The following GLI3 variants were observed in gnomAD, a reference collection of about 807,000 sequenced individuals.
GLI3 encodes GLI family zinc finger 3.
In GLI3, 20 loss-of-function variants were observed where a neutral mutation model predicts 100.8. The observed-to-expected ratio is 0.20, with a 90% CI of 0.14 to 0.29. The LOEUF is 0.29. GLI3 is among the 10% of genes least tolerant of loss of function. GLI3 has a pLI of 1.00. For missense variants in GLI3, 2,040 were observed against 2,128.5 expected, an observed-to-expected ratio of 0.96 and a Z score of 0.82; for synonymous variants, 938 against 860.5, an observed-to-expected ratio of 1.09 and a Z score of -1.58.
chr7:42,236,804 G>A (rs1321252119), intron 1 of GLI3, among the ~76,000 whole-genome samples, 167 bp downstream of exon 1: 1 of 152,204 alleles, frequency 6.6e-6, no homozygotes, highest in Non-Finnish European at 1.5e-5. Context: ...TGCAAGCCTT[G>A]CTCGGACGCC....
intron 2 of GLI3, among the ~76,000 whole-genome samples, chr7:42,180,033 C>T (rs1377999442): frequency 1.3e-5 from 2 of 152,150 alleles, no homozygotes; most frequent in African/African-American, 4.8e-5. Context: ...ATAAAACTGG[C>T]TGCGAGCTCC....
chr7:41,963,937 ACTCCT>A lies in GLI3; in HGVS notation c.*388_*392del. 4.9e-5 allele frequency: 9 copies of A among 183,554 alleles called. No homozygotes were observed. Among genetic ancestry groups the A allele is most frequent in the East Asian group, 1.5e-4 (1 of 6,650 alleles). 11.4% of individuals were successfully genotyped at this position (183,554 alleles called of 1,614,324 possible). ...TAACCCCTTGGTCACAAGCACACCA[ACTCCT>A]ATTTCCTTTGAGCAACAGCAAAACA... On this transcript the variant is annotated 3_prime_UTR_variant, in exon 15 of 15. Transcript: ENST00000395925.
At chr7:42,117,423 A>G (rs1250445146) in intron 3 of GLI3, among the ~76,000 whole-genome samples, 1 of 152,202 alleles carries the variant, frequency 6.6e-6, no homozygotes, top group Non-Finnish European at 1.5e-5. Flanking sequence ...CAAGGACCAG[A>G]CGCCTTTTAG....
intron 7 of GLI3, among the ~76,000 whole-genome samples, chr7:42,034,103 G>A (rs1421991665): frequency 6.6e-6 from 1 of 152,148 alleles, no homozygotes; most frequent in Non-Finnish European, 1.5e-5. Flanking sequence ...ATGAGATCTG[G>A]CTCATCAGGT....
intron 12 of GLI3, among the ~76,000 whole-genome samples, chr7:41,975,233 G>A (rs1449642656): frequency 1.3e-5 from 2 of 152,206 alleles, no homozygotes; most frequent in Non-Finnish European, 2.9e-5. Flanking sequence ...TCCCATTACA[G>A]TCCATTATTT....
chr7:42,143,391 C>G (rs893326620), intron 3 of GLI3, among the ~76,000 whole-genome samples: 2 of 152,216 alleles, frequency 1.3e-5, no homozygotes, highest in Admixed American at 6.5e-5. Flanking sequence ...TCATTTATGC[C>G]TCTTAGGCAT....
chr7:42,175,783 G>GT (rs1787468788), intron 2 of GLI3, among the ~76,000 whole-genome samples: 1 of 152,124 alleles, frequency 6.6e-6, no homozygotes, highest in African/African-American at 2.4e-5. Context: ...AACACTAACA[G>GT]TAACAACTAC....
intron 2 of GLI3, among the ~76,000 whole-genome samples, chr7:42,188,980 A>G (rs1303385336): frequency 6.6e-6 from 1 of 152,164 alleles, no homozygotes; most frequent in Non-Finnish European, 1.5e-5. Context: ...TGTCCCCTAA[A>G]GTAATCTATG....
intron 7 of GLI3, 142 bp downstream of exon 7, chr7:42,039,896 C>T: frequency 1.4e-6 from 1 of 699,892 alleles, no homozygotes; most frequent in Non-Finnish European, 2.5e-6. Flanking sequence ...TGATATTTGA[C>T]CTGCCTCTTG....
intron 1 of GLI3, among the ~76,000 whole-genome samples, chr7:42,262,605 G>A (rs939036641): frequency 6.6e-6 from 1 of 152,130 alleles, no homozygotes; most frequent in South Asian, 2.1e-4. Flanking sequence ...AGAATTTCTG[G>A]GGCAGACTCT....
intron 3 of GLI3, among the ~76,000 whole-genome samples, chr7:42,124,592 C>A (rs1165586447): frequency 6.6e-6 from 1 of 152,174 alleles, no homozygotes; most frequent in Non-Finnish European, 1.5e-5. Context: ...CTGTCCCCAA[C>A]CAAGTATGGA....
chr7:42,006,778 C>T (rs1788471126), intron 10 of GLI3, among the ~76,000 whole-genome samples: 2 of 152,130 alleles, frequency 1.3e-5, no homozygotes, highest in South Asian at 4.1e-4. Flanking sequence ...TTACAGGATC[C>T]CTAACAGGAA....
At chr7:42,252,185 C>T (rs202172417) in intron 1 of GLI3, among the ~76,000 whole-genome samples, 1 of 151,900 alleles carries the variant, frequency 6.6e-6, no homozygotes, top group Non-Finnish European at 1.5e-5. Flanking sequence ...GAGATCACGT[C>T]TTGTGAGAAC....
chr7:42,224,789 G>A (rs989769639), intron 1 of GLI3, among the ~76,000 whole-genome samples: 9 of 152,318 alleles, frequency 5.9e-5, no homozygotes, highest in East Asian at 1.9e-4. Context: ...CCTGCATGGC[G>A]CCCCCTGGGG....
chr7:42,209,432 A>G (rs1788219147), intron 2 of GLI3, among the ~76,000 whole-genome samples: 1 of 152,182 alleles, frequency 6.6e-6, no homozygotes, highest in Non-Finnish European at 1.5e-5. Flanking sequence ...CCCAAGATGG[A>G]CCCATACATG....
rs1423571284 is a variant in GLI3 at position 41,966,125 on chromosome 7, C to T, written c.2948G>A (p.Gly983Glu). 1 of 1,582,926 alleles carries T rather than the reference C, an allele frequency of 6.3e-7. No homozygotes were observed. The highest frequency in any genetic ancestry group is 1.1e-5 in the South Asian group (1 of 88,506). Reference sequence around the variant, plus strand: ...GTGGCGCCGCCCGTAGCCGTGGGCTCCCCCGTCGCTGCACCTCCTCGGGGC... The same window carrying T: ...GTGGCGCCGCCCGTAGCCGTGGGCTTCCCCGTCGCTGCACCTCCTCGGGGC... ...VHAPRRCSDGGAHGYGRRHLQ... is the reference protein window; with the variant it reads ...VHAPRRCSDGEAHGYGRRHLQ... Residue 983 changes from glycine to glutamate, a missense_variant, in exon 15 of 15, where the codon GGA (glycine) becomes GAA (glutamate). By Grantham distance (98) the Gly-to-Glu change is moderately conservative (BLOSUM62 -2). Transcript: ENST00000395925. This position sits in a 1 kb window ranked among gnomAD's most constrained non-coding sequence, Gnocchi z 5.8.
chr7:42,046,389 G>A (rs1170161026), intron 5 of GLI3, among the ~76,000 whole-genome samples: 2 of 152,166 alleles, frequency 1.3e-5, no homozygotes, highest in Non-Finnish European at 2.9e-5. Flanking sequence ...CAGCACTCTA[G>A]TGATAGGTTT....
In GLI3 at chr7:42,182,658, A is replaced by ATATATATATATATACATGTGTG. The variant is rs1554337017; in HGVS notation, c.125-34191_125-34190insCACACATGTATATATATATATA. ...TATATGTGTGTGTATATATATATAT[A>ATATATATATATATACATGTGTG]TATATATATATATATATATATATAC... On this transcript the variant is annotated intron_variant, in intron 2 of 14. Coordinates refer to ENST00000395925, the MANE Select transcript of GLI3 (RefSeq NM_000168.6). Among the ~76,000 whole-genome samples, 13 of 55,996 alleles carry ATATATATATATATACATGTGTG rather than the reference A, an allele frequency of 2.3e-4. 1 individual carries two copies. Among genetic ancestry groups the ATATATATATATATACATGTGTG allele is most frequent in the African/African-American group, 1.2e-3 (12 of 9,704 alleles). The allele number at this position is 55,996 out of a possible 152,430, so 36.7% of individuals were successfully genotyped here. A position where few individuals can be genotyped will look rare whatever the true frequency, so the allele number is the denominator to read the frequency against.
chr7:42,074,496 C>G (rs7787368), intron 4 of GLI3, among the ~76,000 whole-genome samples: 15,462 of 152,236 alleles, frequency 0.1, 1,751 homozygotes, highest in African/African-American at 0.28. Context: ...CACAACAAAG[C>G]TACATGCGAG....
Sources: allele counts gnomAD v4.1 joint callset (sites outside exome capture counted in the v4.1 genomes callset), GRCh38; gene constraint gnomAD v4.1.1; non-coding constraint Gnocchi (gnomAD v3.1); transcripts MANE v1.5; gene names NCBI Gene and HGNC (gene_info 2026-07-23, HGNC 2026-07-21).